CDH8: variants seen among roughly 807,000 people sequenced by gnomAD.
The protein encoded by CDH8 is cadherin-8.
In CDH8, 17 loss-of-function variants were observed where a neutral mutation model predicts 68.1. That is an observed-to-expected ratio of 0.25 (90% confidence interval 0.17 to 0.37). The LOEUF is 0.37. CDH8 is among the 10% of genes least tolerant of loss of function. CDH8 has a pLI of 1.00. For synonymous variants in CDH8, 372 were observed against 365.1 expected (o/e 1.02, Z -0.21); for missense variants, 763 against 999.3 (o/e 0.76, Z 3.19).
At chr16:61,687,330 A>C (rs1181837881) in intron 10 of CDH8, among the ~76,000 whole-genome samples, 1 of 151,932 alleles carries the variant, frequency 6.6e-6, no homozygotes, top group East Asian at 1.9e-4. Flanking sequence ...ACACATACAG[A>C]TTTTATCCAG....
intron 8 of CDH8, among the ~76,000 whole-genome samples, chr16:61,738,808 T>G (rs946025650): frequency 6.6e-6 from 1 of 152,170 alleles, no homozygotes; most frequent in Admixed American, 6.5e-5. Context: ...TCACTTTTGA[T>G]GCGTGTGTAT....
rs1303360416 is a variant in CDH8 at position 61,654,080 on chromosome 16, G to C, written c.1928C>G (p.Thr643Ser). The change falls in exon 12 of 12, where the codon ACT becomes AGT. Residue 643 changes from threonine to serine, a missense_variant. Around this residue, in one of 2 missense-constraint regions of CDH8, gnomAD observed 397 missense variants for 436.2 expected, o/e 0.91. Coordinates refer to ENST00000577390, the MANE Select transcript of CDH8 (RefSeq NM_001796.5). ...TGGTTCATTTTTATGCCGCCGTAGA[G>C]TTACAAACAGCACCACGATGACTAG... is the stretch of plus-strand genomic sequence containing the variant. ...LLLVIVVLFV[T>S]LRRHKNEPLI... is the part of the protein sequence containing the mutation. 6.2e-7 allele frequency: 1 copy of C among 1,613,358 alleles called. No individual in the cohort carries two copies. The highest frequency in any genetic ancestry group is 2.2e-5 in the East Asian group (1 of 44,852).
At chr16:61,723,261 T>C (rs553102089) in intron 9 of CDH8, among the ~76,000 whole-genome samples, 1 of 150,844 alleles carries the variant, frequency 6.6e-6, no homozygotes, top group Non-Finnish European at 1.5e-5. Flanking sequence ...ACTGAAGTTC[T>C]ATATTTTTCC....
At chr16:61,701,272 C>T (rs1964423967) in intron 10 of CDH8, among the ~76,000 whole-genome samples, 1 of 152,124 alleles carries the variant, frequency 6.6e-6, no homozygotes, top group African/African-American at 2.4e-5. Context: ...GGGACATATA[C>T]ACTGGTCTAG....
At chr16:61,827,505 T>C (rs1449391863) in intron 4 of CDH8, among the ~76,000 whole-genome samples, 1 of 151,938 alleles carries the variant, frequency 6.6e-6, no homozygotes, top group Non-Finnish European at 1.5e-5. Context: ...CTTTTATATG[T>C]TGTGAAAGTG....
In CDH8 at chr16:61,652,355, T is replaced by C; in HGVS notation, c.*1253A>G. 1 of 984,588 alleles carries C rather than the reference T, an allele frequency of 1.0e-6. No homozygotes were observed. Among genetic ancestry groups the C allele is most frequent in the Non-Finnish European group, 1.2e-6 (1 of 829,176 alleles). The allele number at this position is 984,588 out of a possible 1,614,324, so 61.0% of individuals were successfully genotyped here. On this transcript the variant is annotated 3_prime_UTR_variant, in exon 12 of 12. Transcript: ENST00000577390. ...TGGGGGTAAATTGAAGCATGTTTAT[T>C]GGGCAGGGCATGATGTAGGTATCTA...
At chr16:61,719,996 C>CACACAA (rs969961992) in intron 9 of CDH8, among the ~76,000 whole-genome samples, 9 of 26,254 alleles carry the variant, frequency 3.4e-4, no homozygotes, top group African/African-American at 1.5e-3. Flanking sequence ...TATTAGGTAA[C>CACACAA]ACACACACAC....
At chr16:61,851,684 A>T (rs1681808072) in intron 4 of CDH8, among the ~76,000 whole-genome samples, 2 of 152,068 alleles carry the variant, frequency 1.3e-5, no homozygotes, top group Admixed American at 1.3e-4. Flanking sequence ...TTAAGAATAC[A>T]AGTAAACTAT....
chr16:61,731,219 G>C (rs1002856332), intron 8 of CDH8, among the ~76,000 whole-genome samples: 3 of 151,714 alleles, frequency 2.0e-5, no homozygotes, highest in Admixed American at 1.3e-4. Flanking sequence ...AGACAAATGA[G>C]AGAGTGTTGG....
intron 2 of CDH8, among the ~76,000 whole-genome samples, chr16:61,984,734 G>A (rs970728908): frequency 6.6e-6 from 1 of 151,878 alleles, no homozygotes; most frequent in African/African-American, 2.4e-5. Flanking sequence ...TATATTATTT[G>A]TTTGTTGCTT....
intron 4 of CDH8, among the ~76,000 whole-genome samples, chr16:61,837,925 G>C (rs1217615651): frequency 6.6e-6 from 1 of 152,004 alleles, no homozygotes; most frequent in East Asian, 1.9e-4. Context: ...GTCTGAGTCT[G>C]ACCTTCCTTG....
chr16:62,020,055 A>G (rs1482555531), intron 2 of CDH8, among the ~76,000 whole-genome samples: 1 of 152,218 alleles, frequency 6.6e-6, no homozygotes, highest in African/African-American at 2.4e-5. Context: ...AAGTAGAACC[A>G]TATGAAATGA....
intron 10 of CDH8, among the ~76,000 whole-genome samples, chr16:61,702,546 T>A (rs1964453788): frequency 6.6e-6 from 1 of 152,162 alleles, no homozygotes; most frequent in Non-Finnish European, 1.5e-5. Context: ...AATTATCATG[T>A]TGTGATCTAG....
intron 2 of CDH8, among the ~76,000 whole-genome samples, chr16:61,908,312 T>A (rs1357101478): frequency 6.6e-6 from 1 of 152,178 alleles, no homozygotes; most frequent in Non-Finnish European, 1.5e-5. Context: ...GACCAGGGAC[T>A]TTGACATGAT....
intron 2 of CDH8, among the ~76,000 whole-genome samples, chr16:61,991,780 G>A (rs1965725941): frequency 6.6e-6 from 1 of 152,128 alleles, no homozygotes; most frequent in African/African-American, 2.4e-5. Context: ...TTCTGGAAGA[G>A]TTAGCAGTTC....
At chr16:61,871,849 C>T (rs1320461277) in intron 3 of CDH8, among the ~76,000 whole-genome samples, 6 of 64,102 alleles carry the variant, frequency 9.4e-5, no homozygotes, top group Admixed American at 4.8e-4. Flanking sequence ...AAAAAAAAAC[C>T]CAGAAATCAG....
intron 10 of CDH8, among the ~76,000 whole-genome samples, chr16:61,685,183 G>GAA (rs11357299): frequency 1.4e-4 from 16 of 115,846 alleles, no homozygotes; most frequent in African/African-American, 1.8e-4. Flanking sequence ...GGTCCTGTCT[G>GAA]AAAAAAAAAA....
chr16:61,674,958 C>CA (rs1161215896), intron 10 of CDH8, among the ~76,000 whole-genome samples: 1 of 137,128 alleles, frequency 7.3e-6, no homozygotes, highest in African/African-American at 2.7e-5. Context: ...AAAAAAAAAA[C>CA]AAAAAAACTA....
chr16:61,673,803 A>G (rs913036708), intron 10 of CDH8, among the ~76,000 whole-genome samples: 14 of 152,136 alleles, frequency 9.2e-5, no homozygotes, highest in African/African-American at 3.4e-4. Flanking sequence ...TGAGCTGAAG[A>G]TACAGAGATA....
Sources: allele counts gnomAD v4.1 joint callset (sites outside exome capture counted in the v4.1 genomes callset), GRCh38; gene constraint gnomAD v4.1.1; regional missense constraint gnomAD v4.1.1; transcripts MANE v1.5; gene names NCBI Gene and HGNC (gene_info 2026-07-23, HGNC 2026-07-21).